Variants in CNGA1 observed in about 807,000 individuals in gnomAD.
The protein encoded by CNGA1 is cyclic nucleotide-gated channel alpha-1.
In CNGA1, 53 loss-of-function variants were observed where a neutral mutation model predicts 69.7. The ratio of observed to expected loss-of-function variants is 0.76; its 90% CI spans 0.61 to 0.96. The LOEUF (loss-of-function observed/expected upper bound fraction) is 0.96. Among genes scored for constraint, CNGA1 ranks in the 40% least tolerant of loss-of-function variants. CNGA1 has a pLI of 0.00. For synonymous variants in CNGA1, 249 were observed against 283.5 expected (o/e 0.88, Z 1.22); for missense variants, 739 against 811.2 (o/e 0.91, Z 1.08).
intron 10 of CNGA1, among the ~76,000 whole-genome samples, chr4:47,938,113 C>A (rs1738791887): frequency 6.6e-6 from 1 of 150,376 alleles, no homozygotes; most frequent in Non-Finnish European, 1.5e-5. Context: ...GAGTTTGAGG[C>A]TGCAGTGAGC....
At chr4:47,995,255 CT>C (rs1297560469) in intron 2 of CNGA1, among the ~76,000 whole-genome samples, 1 of 152,112 alleles carries the variant, frequency 6.6e-6, no homozygotes, top group Non-Finnish European at 1.5e-5. Context: ...TTCCTAGATT[CT>C]TCTCCCAAAT....
Position 47,974,047 on chromosome 4 carries a change from G to A in CNGA1, c.-15+7346C>T, listed in dbSNP as rs539895436. ...ATCAATACAAAAAATACAAAAATTAGTCAGTCTCATAACCTGGTCTCTAGA... is the reference window on the plus strand; with the variant it reads ...ATCAATACAAAAAATACAAAAATTAATCAGTCTCATAACCTGGTCTCTAGA... On this transcript the variant is annotated intron_variant, in intron 3 of 10. Transcript: ENST00000514170. Among the ~76,000 whole-genome samples, 741 of 150,658 alleles carry A rather than the reference G, an allele frequency of 4.9e-3. 13 individuals carry two copies. In the Middle Eastern group the frequency reaches 0.068, roughly 14 times the overall value.
Position 47,951,361 on chromosome 4 carries a change from T to C in CNGA1, c.216A>G (p.Pro72=), listed in dbSNP as rs777778291. Residue 72 remains proline (P), a synonymous_variant, in exon 5 of 11, where the codon CCA becomes CCG. Transcript: ENST00000514170. ...TGGATCATACTGCTCACCTCTGTGATGGTCCTCCCTTTCTGAGTGACTTAT... is the reference window on the plus strand; with the variant it reads ...TGGATCATACTGCTCACCTCTGTGACGGTCCTCCCTTTCTGAGTGACTTAT... ...FSYKSLRKGG[P]SQREQYLPGA... The C allele has an allele frequency of 3.8e-6, 6 of 1,598,872 alleles. No homozygotes were observed. Among genetic ancestry groups the C allele is most frequent in the South Asian group, 2.2e-5 (2 of 90,792 alleles).
At chr4:47,979,608 A>C (rs1309712464) in intron 3 of CNGA1, among the ~76,000 whole-genome samples, 1 of 152,196 alleles carries the variant, frequency 6.6e-6, no homozygotes, top group Non-Finnish European at 1.5e-5. Flanking sequence ...GTAGGAACTA[A>C]ATAAATATTT....
At chr4:48,013,163 G>C (rs754449148) in intron 1 of CNGA1, among the ~76,000 whole-genome samples, 3 of 152,142 alleles carry the variant, frequency 2.0e-5, no homozygotes, top group Non-Finnish European at 4.4e-5. Flanking sequence ...TTGTCCTATT[G>C]GTTTGAGCTG....
chr4:48,008,679 A>G (rs958137770), intron 2 of CNGA1, among the ~76,000 whole-genome samples: 8 of 152,236 alleles, frequency 5.3e-5, no homozygotes, highest in African/African-American at 1.7e-4. Context: ...ATAGTCATCA[A>G]TTAAAGTTAT....
intron 6 of CNGA1, among the ~76,000 whole-genome samples, chr4:47,946,765 C>T (rs1739419968): frequency 1.9e-5 from 2 of 103,724 alleles, no homozygotes; most frequent in African/African-American, 4.0e-5. Context: ...CAGTACCCTT[C>T]GTCTTTTTCT....
chr4:47,974,709 G>T (rs967362226), intron 3 of CNGA1, among the ~76,000 whole-genome samples: 3 of 147,268 alleles, frequency 2.0e-5, no homozygotes, highest in Non-Finnish European at 4.5e-5. Context: ...GCAGAACTAA[G>T]TTTTTTTTTT....
intron 2 of CNGA1, among the ~76,000 whole-genome samples, chr4:47,984,667 C>A (rs1292263415): frequency 2.0e-5 from 2 of 100,200 alleles, no homozygotes; most frequent in Non-Finnish European, 3.6e-5. Flanking sequence ...TATATATACA[C>A]ACACACACAC....
chr4:47,936,174 C>T lies in CNGA1; in HGVS notation c.*247G>A. ...ATGTGAAAAAATCAGAAAATACAGACACTGACAAGTTAATCAGTTTATATC... is the reference window on the plus strand; with the variant it reads ...ATGTGAAAAAATCAGAAAATACAGATACTGACAAGTTAATCAGTTTATATC... On this transcript the variant is annotated 3_prime_UTR_variant, in exon 11 of 11. Coordinates refer to ENST00000514170, the MANE Select transcript of CNGA1 (RefSeq NM_001379270.1). 1 of 542,812 alleles carries T rather than the reference C, an allele frequency of 1.8e-6. No individual in the cohort carries two copies. The highest frequency in any genetic ancestry group is 2.4e-5 in the South Asian group (1 of 42,196). The allele number at this position is 542,812 out of a possible 1,614,324, so 33.6% of individuals were successfully genotyped here.
At chr4:47,990,283 CA>C (rs1436500341) in intron 2 of CNGA1, among the ~76,000 whole-genome samples, 2 of 151,956 alleles carry the variant, frequency 1.3e-5, no homozygotes, top group African/African-American at 4.8e-5. Flanking sequence ...ATTCTTTTCT[CA>C]GCAAGGAATA....
At chr4:47,961,775 G>A (rs1409751278) in intron 3 of CNGA1, among the ~76,000 whole-genome samples, 2 of 152,084 alleles carry the variant, frequency 1.3e-5, no homozygotes, top group African/African-American at 2.4e-5. Flanking sequence ...ACCAGCTGTT[G>A]TAGCTACTGA....
At chr4:47,961,791 G>T (rs1036083131) in intron 3 of CNGA1, among the ~76,000 whole-genome samples, 3 of 152,122 alleles carry the variant, frequency 2.0e-5, no homozygotes, top group African/African-American at 7.2e-5. Flanking sequence ...ACTGAGCACT[G>T]GAAATGTGGC....
intron 2 of CNGA1, among the ~76,000 whole-genome samples, chr4:48,001,149 A>G (rs573347714): frequency 8.5e-5 from 13 of 152,096 alleles, no homozygotes; most frequent in Non-Finnish European, 1.3e-4. Flanking sequence ...ATGTAAAGGG[A>G]AAAAAAAGGC....
chr4:47,938,728 C>G (rs968787310), intron 10 of CNGA1, among the ~76,000 whole-genome samples: 1 of 151,800 alleles, frequency 6.6e-6, no homozygotes, highest in African/African-American at 2.4e-5. Context: ...GGTTCTTGAC[C>G]CCAGTTCCTG....
At chr4:48,009,537 G>C (rs1715061211) in intron 2 of CNGA1, among the ~76,000 whole-genome samples, 1 of 151,438 alleles carries the variant, frequency 6.6e-6, no homozygotes, top group Non-Finnish European at 1.5e-5. Context: ...ACGCACAGTG[G>C]CTCATGCTAT....
At chr4:47,980,853 C>T (rs1741671585) in intron 3 of CNGA1, among the ~76,000 whole-genome samples, 1 of 132,164 alleles carries the variant, frequency 7.6e-6, no homozygotes, top group East Asian at 2.2e-4. Flanking sequence ...AATTCTAGCT[C>T]CTTCATAGAG....
chr4:47,952,077 T>G (rs1056164832), intron 4 of CNGA1, among the ~76,000 whole-genome samples: 1 of 152,164 alleles, frequency 6.6e-6, no homozygotes, highest in African/African-American at 2.4e-5. Context: ...AATATCTATG[T>G]TCAGGCTGGG....
At chr4:48,011,132 G>A (rs970108800) in intron 1 of CNGA1, among the ~76,000 whole-genome samples, 29 of 152,082 alleles carry the variant, frequency 1.9e-4, no homozygotes, top group Non-Finnish European at 4.3e-4. Flanking sequence ...CTTACTATCT[G>A]ATTGGTCGGG....
Sources: gnomAD v4.1 joint callset for allele counts (sites outside exome capture counted in the v4.1 genomes callset) on GRCh38, gnomAD v4.1.1 for gene constraint, MANE v1.5 for transcripts, NCBI Gene and HGNC (gene_info 2026-07-23, HGNC 2026-07-21) for gene names.